DNAJC24: variants seen among roughly 807,000 people sequenced by gnomAD.
The protein encoded by DNAJC24 is DnaJ heat shock protein family (Hsp40) member C24.
In DNAJC24, 17 loss-of-function variants were observed where a neutral mutation model predicts 18.0. The ratio of observed to expected loss-of-function variants is 0.94; its 90% CI spans 0.65 to 1.42. The LOEUF is 1.42. Ranked by LOEUF, DNAJC24 falls within the 40% of genes most tolerant of loss-of-function variation. DNAJC24 has a pLI of 0.00. For synonymous variants in DNAJC24, 55 were observed against 57.7 expected (o/e 0.95, Z 0.21); for missense variants, 158 against 175.6 (o/e 0.90, Z 0.57).
chr11:31,382,115 GTTTAT>G (rs996373846), intron 2 of DNAJC24, among the ~76,000 whole-genome samples: 10 of 152,104 alleles, frequency 6.6e-5, no homozygotes, highest in African/African-American at 2.4e-4. Context: ...ATATGGCAGA[GTTTAT>G]TTTAAGTACT....
At chr11:31,393,822 T>A (rs935217031) in intron 2 of DNAJC24, among the ~76,000 whole-genome samples, 2 of 152,210 alleles carry the variant, frequency 1.3e-5, no homozygotes, top group African/African-American at 4.8e-5. Context: ...TTTATATTAT[T>A]GTACCATCTA....
At chr11:31,408,292 G>A (rs1952675060) in intron 2 of DNAJC24, 1 of 429,350 alleles carries the variant, frequency 2.3e-6, no homozygotes, top group African/African-American at 2.0e-5. Flanking sequence ...AGAGCTTGGT[G>A]AAACAGAGAT....
intron 2 of DNAJC24, among the ~76,000 whole-genome samples, chr11:31,405,747 C>T (rs75845757): frequency 6.6e-6 from 1 of 152,078 alleles, no homozygotes; most frequent in Admixed American, 6.5e-5. Context: ...ATGTGACCCC[C>T]TGCACCCAGA....
At chr11:31,422,021 T>G (rs561246006) in intron 3 of DNAJC24, 1 of 422,440 alleles carries the variant, frequency 2.4e-6, no homozygotes, top group Non-Finnish European at 4.7e-6. Context: ...TAGATCCCAC[T>G]GTTGAGACAA....
At chr11:31,429,506 G>T (rs1005830999) in intron 4 of DNAJC24, 7 of 394,318 alleles carry the variant, frequency 1.8e-5, no homozygotes, top group African/African-American at 1.4e-4. Context: ...ACAGTAAAAT[G>T]GAATGACCAA....
chr11:31,383,278 C>T (rs1367598069), intron 2 of DNAJC24, among the ~76,000 whole-genome samples: 2 of 152,042 alleles, frequency 1.3e-5, no homozygotes, highest in Non-Finnish European at 2.9e-5. Context: ...AGTCCCAACC[C>T]TCCAATCATG....
rs185281287 is a variant in DNAJC24 at position 31,375,217 on chromosome 11, T to C, written c.111+4358T>C. Among the ~76,000 whole-genome samples, 30 of 135,472 alleles carry C rather than the reference T, an allele frequency of 2.2e-4. 1 individual carries two copies. The East Asian group carries it at 5.8e-3, about 26-fold the overall frequency. The allele number at this position is 135,472 out of a possible 152,430, so 88.9% of individuals were successfully genotyped here. A position where few individuals can be genotyped will look rare whatever the true frequency, so the allele number is the denominator to read the frequency against. On this transcript the variant is annotated intron_variant, in intron 2 of 4. Coordinates refer to ENST00000465995, the MANE Select transcript of DNAJC24 (RefSeq NM_181706.5). ...ATTTAGTGGAAGCCCTGAACTATTTTCTTTTCCCTTTAGAGGCCAGATACC... is the reference window on the plus strand; with the variant it reads ...ATTTAGTGGAAGCCCTGAACTATTTCCTTTTCCCTTTAGAGGCCAGATACC...
In DNAJC24 at chr11:31,404,173, G is replaced by T. The variant is rs558332025; in HGVS notation, c.112-10638G>T. ...CCTTACTGCAACCTGTTTTATCAGT[G>T]AGGTCTTTATGACCTGTATCTTGTA... On this transcript the variant is annotated intron_variant, in intron 2 of 4. Transcript: ENST00000465995. Among the ~76,000 whole-genome samples, 4 of 152,238 alleles carry T rather than the reference G, an allele frequency of 2.6e-5. No individual in the cohort carries two copies. The East Asian group carries it at 7.7e-4, about 29-fold the overall frequency.
At chr11:31,424,041 T>C (rs1158570198) in intron 3 of DNAJC24, among the ~76,000 whole-genome samples, 2 of 152,196 alleles carry the variant, frequency 1.3e-5, no homozygotes, top group East Asian at 3.9e-4. Flanking sequence ...AGTAACTATG[T>C]GAGAAGAACA....
intron 2 of DNAJC24, among the ~76,000 whole-genome samples, chr11:31,371,393 T>C (rs746204742): frequency 5.3e-5 from 8 of 152,220 alleles, no homozygotes; most frequent in Non-Finnish European, 8.8e-5. Context: ...ACTGTGTCCA[T>C]CTGCTGATAA....
intron 2 of DNAJC24, among the ~76,000 whole-genome samples, chr11:31,379,330 A>T (rs1952351500): frequency 6.6e-6 from 1 of 152,166 alleles, no homozygotes; most frequent in African/African-American, 2.4e-5. Flanking sequence ...TAGGTCGCAC[A>T]TTCCTTATGA....
At chr11:31,372,051 G>A (rs971432442) in intron 2 of DNAJC24, among the ~76,000 whole-genome samples, 2 of 151,374 alleles carry the variant, frequency 1.3e-5, no homozygotes, top group African/African-American at 4.9e-5. Flanking sequence ...TCGAACACCT[G>A]ACCTCAAGTG....
intron 2 of DNAJC24, among the ~76,000 whole-genome samples, chr11:31,411,464 A>G (rs1297207665): frequency 1.3e-5 from 2 of 152,192 alleles, no homozygotes; most frequent in Non-Finnish European, 2.9e-5. Context: ...GTCCAAAATA[A>G]TTATAACTGG....
chr11:31,428,205 C>A (rs922012963), intron 4 of DNAJC24, among the ~76,000 whole-genome samples: 1 of 152,018 alleles, frequency 6.6e-6, no homozygotes, highest in African/African-American at 2.4e-5. Context: ...GCCCCTGGAA[C>A]TCCCTAAAGT....
chr11:31,373,263 T>C (rs1389958350), intron 2 of DNAJC24, among the ~76,000 whole-genome samples: 3 of 134,904 alleles, frequency 2.2e-5, no homozygotes, highest in Admixed American at 7.6e-5. Flanking sequence ...TATTCTTCGA[T>C]GTTTTCTTCT....
chr11:31,408,844 T>A (rs1423804079), intron 2 of DNAJC24, among the ~76,000 whole-genome samples: 1 of 152,216 alleles, frequency 6.6e-6, no homozygotes, highest in Non-Finnish European at 1.5e-5. Flanking sequence ...AGGTGTGAAG[T>A]CATTTCAGAG....
At position 31,404,910 on chromosome 11, in the gene DNAJC24, A is replaced by G. The variant is rs529001896; in HGVS notation, c.112-9901A>G. ...TCATTTGCAAAAAAAAAACCAAAAC[A>G]CAAACACCAACCAAGTCTCTTTTTG... On this transcript the variant is annotated intron_variant, in intron 2 of 4. Transcript: ENST00000465995. Among the ~76,000 whole-genome samples, 371 of 151,900 alleles carry G rather than the reference A, an allele frequency of 2.4e-3. 3 individuals are homozygous for G. Among genetic ancestry groups the G allele is most frequent in the South Asian group, 3.1e-3 (15 of 4,812 alleles).
chr11:31,394,148 A>G (rs1370293109), intron 2 of DNAJC24, among the ~76,000 whole-genome samples: 1 of 152,198 alleles, frequency 6.6e-6, no homozygotes, highest in Non-Finnish European at 1.5e-5. Context: ...GCTCTTAGGA[A>G]CACTAACCAA....
chr11:31,417,423 A>ACTT (rs1030793978), intron 3 of DNAJC24: 3 of 152,078 alleles, frequency 2.0e-5, no homozygotes, highest in African/African-American at 7.2e-5. Flanking sequence ...ATGAACTTGA[A>ACTT]CATCTCTAAA....
Sources: gnomAD v4.1 joint callset for allele counts (sites outside exome capture counted in the v4.1 genomes callset) on GRCh38, gnomAD v4.1.1 for gene constraint, MANE v1.5 for transcripts, NCBI Gene and HGNC (gene_info 2026-07-23, HGNC 2026-07-21) for gene names.